Variants in TTC27 observed in about 807,000 individuals in gnomAD.
The protein encoded by TTC27 is tetratricopeptide repeat protein 27.
Under a neutral mutation model 115.9 loss-of-function variants are expected in TTC27, and 79 were observed. The observed-to-expected ratio is 0.68, with a 90% CI of 0.57 to 0.82. The LOEUF (loss-of-function observed/expected upper bound fraction) is 0.82. Among genes scored for constraint, TTC27 ranks in the 40% least tolerant of loss-of-function variants. The pLI is 0.00. For synonymous variants in TTC27, 401 were observed against 356.0 expected (o/e 1.13, Z -1.42); for missense variants, 1,054 against 993.1 (o/e 1.06, Z -0.82).
intron 9 of TTC27, among the ~76,000 whole-genome samples, chr2:32,693,129 A>G (rs1391297853): frequency 3.3e-5 from 5 of 152,234 alleles, no homozygotes; most frequent in Admixed American, 3.3e-4. Context: ...AGAAAGTCCC[A>G]GAACTTTAAA....
At chr2:32,673,218 C>T (rs1666074439) in intron 8 of TTC27, among the ~76,000 whole-genome samples, 2 of 118,738 alleles carry the variant, frequency 1.7e-5, no homozygotes, top group African/African-American at 3.3e-5. Flanking sequence ...TTGGATTCAC[C>T]TTATGCATTT....
At chr2:32,635,675 C>G (rs1242364720) in intron 3 of TTC27, among the ~76,000 whole-genome samples, 1 of 151,638 alleles carries the variant, frequency 6.6e-6, no homozygotes, top group Non-Finnish European at 1.5e-5. Context: ...CAGAGTGAGA[C>G]TCCATTTCAA....
chr2:32,672,371 A>G lies in TTC27; in HGVS notation c.1039A>G (p.Ile347Val). Residue 347 changes from isoleucine to valine, a missense_variant, in exon 8 of 20, where the codon ATT becomes GTT. By Grantham distance (29) the Ile-to-Val change is conservative. Transcript: ENST00000317907. ...TCTGTGTGCTGAAGAGATCGCTATTATTCTTGGAATCTGGTGAGTTAATGA... is the reference window on the plus strand; with the variant it reads ...TCTGTGTGCTGAAGAGATCGCTATTGTTCTTGGAATCTGGTGAGTTAATGA... ...PDLCAEEIAI[I>V]LGICTNFQKN... is the part of the protein sequence containing the mutation. 1 of 1,613,180 alleles carries G rather than the reference A, an allele frequency of 6.2e-7. No homozygotes were observed. The highest frequency in any genetic ancestry group is 8.5e-7 in the Non-Finnish European group (1 of 1,179,330).
At chr2:32,724,491 T>A (rs1322668115) in intron 10 of TTC27, among the ~76,000 whole-genome samples, 2 of 152,124 alleles carry the variant, frequency 1.3e-5, no homozygotes, top group Admixed American at 6.5e-5. Flanking sequence ...CCACACAGTT[T>A]TTTTTTTTAA....
At chr2:32,631,189 G>C (rs1664190778) in intron 2 of TTC27, among the ~76,000 whole-genome samples, 1 of 152,168 alleles carries the variant, frequency 6.6e-6, no homozygotes. Flanking sequence ...TGTAATCCCA[G>C]CTGCTAGGGA....
At chr2:32,798,722 TA>T (rs1158444647) in intron 16 of TTC27, among the ~76,000 whole-genome samples, 2 of 135,988 alleles carry the variant, frequency 1.5e-5, no homozygotes, top group Non-Finnish European at 3.1e-5. Context: ...AAAATAATAA[TA>T]ATAATAATAA....
chr2:32,665,027 A>G (rs1665718234), intron 6 of TTC27, among the ~76,000 whole-genome samples: 1 of 150,054 alleles, frequency 6.7e-6, no homozygotes. Context: ...TTGTATTTTT[A>G]GTAGGGATGT....
intron 10 of TTC27, among the ~76,000 whole-genome samples, chr2:32,727,341 A>T (rs1286077181): frequency 6.6e-6 from 1 of 152,246 alleles, no homozygotes; most frequent in African/African-American, 2.4e-5. Context: ...CACAATCAGT[A>T]TTCAAAGTCG....
At chr2:32,660,253 T>A (rs181191358) in intron 5 of TTC27, among the ~76,000 whole-genome samples, 4 of 152,344 alleles carry the variant, frequency 2.6e-5, no homozygotes, top group Admixed American at 2.0e-4. Context: ...GATTTGCATT[T>A]CTCTAATGAC....
intron 16 of TTC27, among the ~76,000 whole-genome samples, chr2:32,793,996 A>G (rs993440463): frequency 6.6e-6 from 1 of 152,172 alleles, no homozygotes; most frequent in Non-Finnish European, 1.5e-5. Context: ...ATATTAGTGT[A>G]TGTTTTGGGG....
intron 14 of TTC27, among the ~76,000 whole-genome samples, chr2:32,781,750 A>G (rs1670186084): frequency 1.3e-5 from 2 of 152,186 alleles, no homozygotes; most frequent in Non-Finnish European, 2.9e-5. Context: ...CCAGCCCTCT[A>G]ATAACCTTTT....
chr2:32,667,223 C>T (rs979579829), intron 7 of TTC27, among the ~76,000 whole-genome samples: 1 of 151,814 alleles, frequency 6.6e-6, no homozygotes, highest in African/African-American at 2.4e-5. Flanking sequence ...TGTGATCGGC[C>T]TTTTGTTTCT....
chr2:32,801,604 C>T (rs957576132), intron 16 of TTC27, among the ~76,000 whole-genome samples: 2 of 152,274 alleles, frequency 1.3e-5, no homozygotes, highest in South Asian at 2.1e-4. Flanking sequence ...TGTTATTCAG[C>T]GCACCACAGC....
At chr2:32,700,537 GA>G (rs201415057) in intron 9 of TTC27, among the ~76,000 whole-genome samples, 2 of 151,606 alleles carry the variant, frequency 1.3e-5, no homozygotes, top group Non-Finnish European at 2.9e-5. Flanking sequence ...CTTTTCCTTT[GA>G]AAAAAAAATT....
At chr2:32,784,967 C>T (rs1432826419) in intron 15 of TTC27, among the ~76,000 whole-genome samples, 1 of 152,162 alleles carries the variant, frequency 6.6e-6, no homozygotes, top group African/African-American at 2.4e-5. Flanking sequence ...TGTTTCCTTT[C>T]TTTTTGAGTT....
At chr2:32,677,370 G>T (rs1285024869) in intron 8 of TTC27, among the ~76,000 whole-genome samples, 1 of 151,932 alleles carries the variant, frequency 6.6e-6, no homozygotes, top group Non-Finnish European at 1.5e-5. Flanking sequence ...ATCTGTTCAA[G>T]AATTCCTCTG....
intron 11 of TTC27, among the ~76,000 whole-genome samples, chr2:32,735,789 A>C (rs1321083015): frequency 6.6e-6 from 1 of 152,044 alleles, no homozygotes; most frequent in Non-Finnish European, 1.5e-5. Flanking sequence ...GCAGTTTTTG[A>C]AAATGTCCAA....
intron 9 of TTC27, among the ~76,000 whole-genome samples, chr2:32,702,291 C>G (rs1030190635): frequency 9.2e-5 from 14 of 152,186 alleles, no homozygotes; most frequent in Admixed American, 9.2e-4. Flanking sequence ...TAAATGATCA[C>G]CGAGACAATA....
chr2:32,689,823 A>C (rs551978341), intron 9 of TTC27, among the ~76,000 whole-genome samples: 48 of 152,348 alleles, frequency 3.2e-4, no homozygotes, highest in African/African-American at 1.2e-3. Context: ...TGTATATAGA[A>C]TAGCATAGGT....
Sources: allele counts gnomAD v4.1 joint callset (sites outside exome capture counted in the v4.1 genomes callset), GRCh38; gene constraint gnomAD v4.1.1; transcripts MANE v1.5; gene names NCBI Gene and HGNC (gene_info 2026-07-23, HGNC 2026-07-21).